Variants in PSD2 observed in about 807,000 individuals in gnomAD.
PSD2 encodes the protein PH and SEC7 domain-containing protein 2.
PSD2 carries 38 observed loss-of-function variants against 69.8 expected under a neutral mutation model. The observed-to-expected ratio is 0.54, with a 90% CI of 0.42 to 0.71. The LOEUF is 0.71. Among genes scored for constraint, PSD2 ranks in the 30% least tolerant of loss-of-function variants. The pLI is 0.00. For synonymous variants in PSD2, 412 were observed against 423.0 expected, an observed-to-expected ratio of 0.97 and a Z score of 0.32; for missense variants, 943 against 1,014.5, an observed-to-expected ratio of 0.93 and a Z score of 0.96.
the PSD2 span, among the ~76,000 whole-genome samples, chr5:139,780,244 G>A: frequency 3.3e-5 from 5 of 152,196 alleles, no homozygotes; most frequent in Non-Finnish European, 7.3e-5. Context: ...GCACCTTGGT[G>A]GATACCAGTG....
chr5:139,750,976 A>G, the PSD2 span, among the ~76,000 whole-genome samples: 1 of 152,200 alleles, frequency 6.6e-6, no homozygotes, highest in South Asian at 2.1e-4. Context: ...CCAGGGCTCC[A>G]AATTGGCTCC....
At chr5:139,799,703 G>A (rs1296491814) in intron 1 of PSD2, among the ~76,000 whole-genome samples, 1 of 152,124 alleles carries the variant, frequency 6.6e-6, no homozygotes, top group Non-Finnish European at 1.5e-5. Context: ...ACAGCATTGG[G>A]GCTGCTGCTT....
the PSD2 span, among the ~76,000 whole-genome samples, chr5:139,770,429 G>A: frequency 3.1e-4 from 47 of 152,104 alleles, no homozygotes; most frequent in Non-Finnish European, 4.1e-4. Flanking sequence ...GGTGGCAGGC[G>A]GACTATAATC....
the PSD2 span, among the ~76,000 whole-genome samples, chr5:139,789,091 A>C: frequency 1.3e-5 from 2 of 152,192 alleles, no homozygotes; most frequent in East Asian, 3.8e-4. Context: ...TCCTGACTGC[A>C]CGGTTTCCCT....
At chr5:139,798,647 GTTTCTCTCTCTCTCTC>G (rs1022036349) in intron 1 of PSD2, among the ~76,000 whole-genome samples, 10 of 152,044 alleles carry the variant, frequency 6.6e-5, no homozygotes, top group South Asian at 4.1e-4. Flanking sequence ...TGCCACATTT[GTTTCTCTCTCTCTCTC>G]TTTCTCTCTC....
chr5:139,788,831 A>G, the PSD2 span, among the ~76,000 whole-genome samples: 1 of 152,198 alleles, frequency 6.6e-6, no homozygotes, highest in Non-Finnish European at 1.5e-5. Context: ...GGGATTGCAC[A>G]GGCAGGTCGT....
the PSD2 span, among the ~76,000 whole-genome samples, chr5:139,789,989 GGGGCCGGGC>G: frequency 2.0e-5 from 3 of 150,740 alleles, no homozygotes; most frequent in Non-Finnish European, 4.4e-5. Context: ...AGAGCAGCAC[GGGGCCGGGC>G]GGGCGCTGAG....
At chr5:139,793,102 C>T (rs185923049), upstream of PSD2, among the ~76,000 whole-genome samples, 23 of 152,020 alleles carry the variant, frequency 1.5e-4, no homozygotes, top group East Asian at 1.9e-3. Context: ...TCACCACACC[C>T]GGCTAATTTT....
At position 139,814,251 on chromosome 5, in the gene PSD2, C is replaced by A. The variant is rs141034554; in HGVS notation, c.903C>A (p.Asp301Glu). 8.1e-6 allele frequency: 13 copies of A among 1,613,762 alleles called. No homozygotes were observed. The highest frequency in any genetic ancestry group is 4.0e-5 in the African/African-American group (3 of 74,904). ...AGGGGTTGGAGCCTGGTAGTGCAGA[C>A]CCTCTGGCCAACGGGTGCCAGGGGG... ...SSEGLEPGSA[D>E]PLANGCQGVS... Residue 301 changes from aspartate (D) to glutamate (E), a missense_variant, in exon 4 of 15, where the codon GAC becomes GAA. Coordinates refer to ENST00000274710, the MANE Select transcript of PSD2 (RefSeq NM_032289.4). This position sits in a 1 kb window ranked among gnomAD's most constrained non-coding sequence, Gnocchi z 4.4.
chr5:139,805,583 A>G lies in PSD2; in HGVS notation c.-50-3808A>G, dbSNP rs568162318. ...GGGAGCTTCAGTTCTACTGAGTGCTATGGTGCTCCATCACTCCATGATGCA... is the reference window on the plus strand; with the variant it reads ...GGGAGCTTCAGTTCTACTGAGTGCTGTGGTGCTCCATCACTCCATGATGCA... On this transcript the variant is annotated intron_variant, in intron 1 of 14. Transcript: ENST00000274710. Among the ~76,000 whole-genome samples, 17 of 152,302 alleles carry G rather than the reference A, an allele frequency of 1.1e-4. No individual in the cohort carries two copies. The South Asian group carries it at 3.1e-3, about 28-fold the overall frequency.
At chr5:139,768,807 G>A in the PSD2 span, among the ~76,000 whole-genome samples, 2 of 151,874 alleles carry the variant, frequency 1.3e-5, no homozygotes, top group African/African-American at 4.8e-5. Context: ...AGAGCCAATC[G>A]GGCCTGCAAC....
At chr5:139,767,403 C>T in the PSD2 span, among the ~76,000 whole-genome samples, 1 of 152,178 alleles carries the variant, frequency 6.6e-6, no homozygotes, top group Admixed American at 6.5e-5. Context: ...CAACCTCCAC[C>T]TCCCGGATTC....
the PSD2 span, among the ~76,000 whole-genome samples, chr5:139,758,146 AT>A: frequency 6.6e-6 from 1 of 152,120 alleles, no homozygotes; most frequent in Non-Finnish European, 1.5e-5. Flanking sequence ...GAGGCCACAG[AT>A]AGATGTAGGG....
chr5:139,795,768 C>G (rs1458331687), upstream of PSD2: 1 of 151,856 alleles, frequency 6.6e-6, no homozygotes, highest in African/African-American at 2.4e-5. The surrounding 1 kb of genome is among the most constrained non-coding windows in gnomAD (Gnocchi z 4.5). Context: ...CTCCTCCCTC[C>G]TCCTCCTCCT....
At chr5:139,797,069 C>T (rs928199805) in intron 1 of PSD2, among the ~76,000 whole-genome samples, 1 of 152,160 alleles carries the variant, frequency 6.6e-6, no homozygotes, top group Admixed American at 6.5e-5. Flanking sequence ...AAACCCAACC[C>T]GTGGCCCAGG....
chr5:139,842,483 G>A lies in PSD2; in HGVS notation c.*9G>A, dbSNP rs2126974211. The A allele has an allele frequency of 1.9e-6, 3 of 1,610,578 alleles. No individual in the cohort carries two copies. Among genetic ancestry groups the A allele is most frequent in the Non-Finnish European group, 2.5e-6 (3 of 1,177,524 alleles). ...CTGGGCCTGATACTTAGCTGACATG[G>A]ATTTGCAGACCCCAGGGTGGGCAGA... On this transcript the variant is annotated 3_prime_UTR_variant, in exon 15 of 15. Coordinates refer to ENST00000274710, the MANE Select transcript of PSD2 (RefSeq NM_032289.4).
Position 139,809,718 on chromosome 5 carries a change from C to G in PSD2, c.278C>G (p.Ser93Ter). 1 of 1,614,252 alleles carries G rather than the reference C, an allele frequency of 6.2e-7. No individual in the cohort carries two copies. Among genetic ancestry groups the G allele is most frequent in the Non-Finnish European group, 8.5e-7 (1 of 1,180,052 alleles). ...LGPDLNILED[S>*]AESRPWRAGV... ...CCAGACTTGAACATTCTGGAAGATT[C>G]AGCGGAGTCCAGGCCCTGGAGGGCT... The change falls in exon 2 of 15, where the codon TCA becomes TGA. Residue 93 changes from serine (S) to a stop codon, truncating the protein, a stop_gained. Transcript: ENST00000274710. LOFTEE classifies it high-confidence loss of function.
At chr5:139,792,859 T>TGTCCTTCC (rs1466410572), upstream of PSD2, among the ~76,000 whole-genome samples, 210 of 107,892 alleles carry the variant, frequency 1.9e-3, 1 homozygote, top group Non-Finnish European at 2.8e-3. Flanking sequence ...TCTTTCTGTC[T>TGTCCTTCC]TTCCTTCCTT....
chr5:139,788,095 C>G, the PSD2 span, among the ~76,000 whole-genome samples: 105,672 of 151,630 alleles, frequency 0.7, 37,135 homozygotes, highest in East Asian at 0.84. Flanking sequence ...GAAGACTCCG[C>G]GCAGTGCTGG....
Sources: gnomAD v4.1 joint callset for allele counts (sites outside exome capture counted in the v4.1 genomes callset) on GRCh38, gnomAD v4.1.1 for gene constraint, Gnocchi (gnomAD v3.1) non-coding constraint, MANE v1.5 for transcripts, NCBI Gene and HGNC (gene_info 2026-07-23, HGNC 2026-07-21) for gene names.